The following DOCK10 variants were observed in gnomAD, a reference collection of about 807,000 sequenced individuals.
The protein encoded by DOCK10 is dedicator of cytokinesis 10.
Under a neutral mutation model 280.1 loss-of-function variants are expected in DOCK10, and 145 were observed. That is an observed-to-expected ratio of 0.52 (90% CI 0.45 to 0.59). The LOEUF is 0.59. Ranked by LOEUF, DOCK10 falls within the 20% of genes least tolerant of loss-of-function variation. The pLI, the probability that DOCK10 is intolerant of heterozygous loss-of-function variation, is 0.00. For missense variants in DOCK10, 2,368 were observed against 2,651.7 expected, an observed-to-expected ratio of 0.89 and a Z score of 2.35; for synonymous variants, 915 against 942.2, an observed-to-expected ratio of 0.97 and a Z score of 0.53.
At chr2:225,001,497 C>T (rs1243005204) in intron 1 of DOCK10, among the ~76,000 whole-genome samples, 2 of 151,910 alleles carry the variant, frequency 1.3e-5, no homozygotes, top group East Asian at 1.9e-4. Context: ...ACCATGTTAG[C>T]CAGGATGGTC....
chr2:224,931,864 T>A (rs959805812), intron 1 of DOCK10, among the ~76,000 whole-genome samples, 196 bp from the exon 2 acceptor site: 2 of 152,056 alleles, frequency 1.3e-5, no homozygotes, highest in Admixed American at 1.3e-4. Context: ...TATGAGAAAA[T>A]CCTAAAATAC....
chr2:224,971,996 G>A (rs1705113167), intron 1 of DOCK10, among the ~76,000 whole-genome samples: 1 of 151,896 alleles, frequency 6.6e-6, no homozygotes, highest in African/African-American at 2.4e-5. Context: ...TTCAAATATG[G>A]CCCCTAGAAA....
At chr2:224,836,670 G>A (rs1437864866) in intron 25 of DOCK10, among the ~76,000 whole-genome samples, 2 of 151,506 alleles carry the variant, frequency 1.3e-5, no homozygotes, top group Non-Finnish European at 2.9e-5. Context: ...CACAATCTTG[G>A]CTCACTGCAA....
intron 2 of DOCK10, among the ~76,000 whole-genome samples, chr2:224,921,112 A>AAAAATATATATAT: frequency 1.8e-5 from 1 of 54,416 alleles, no homozygotes; most frequent in Non-Finnish European, 3.0e-5. Context: ...AAAAAAAAAA[A>AAAAATATATATAT]ATATATATAT....
chr2:224,911,106 T>C (rs921588472), intron 3 of DOCK10, among the ~76,000 whole-genome samples: 1 of 152,108 alleles, frequency 6.6e-6, no homozygotes, highest in Non-Finnish European at 1.5e-5. Context: ...ATATTTGGGA[T>C]CTAGGGCGAA....
At chr2:224,883,835 T>C (rs1430195348) in intron 7 of DOCK10, among the ~76,000 whole-genome samples, 1 of 152,208 alleles carries the variant, frequency 6.6e-6, no homozygotes, top group Admixed American at 6.5e-5. Context: ...AGAAAAATAT[T>C]GCATATTAAC....
chr2:224,911,268 A>G (rs1700997881), intron 3 of DOCK10, among the ~76,000 whole-genome samples: 1 of 152,222 alleles, frequency 6.6e-6, no homozygotes, highest in African/African-American at 2.4e-5. Context: ...CAATAATAAA[A>G]TAAAGGCAAA....
At chr2:224,932,680 C>T (rs753020426) in intron 1 of DOCK10, among the ~76,000 whole-genome samples, 6 of 152,070 alleles carry the variant, frequency 3.9e-5, no homozygotes, top group East Asian at 3.9e-4. Context: ...TTCTTTTTCA[C>T]GTAAGTGACA....
chr2:225,010,145 GCTCTTTTCCTTAAAT>G (rs1303280157), intron 1 of DOCK10, among the ~76,000 whole-genome samples: 1 of 152,144 alleles, frequency 6.6e-6, no homozygotes, highest in Non-Finnish European at 1.5e-5. Context: ...GGTAGATTCA[GCTCTTTTCCTTAAAT>G]CTCATCTGCC....
At chr2:224,902,785 A>T (rs1315890856) in intron 3 of DOCK10, among the ~76,000 whole-genome samples, 1 of 151,834 alleles carries the variant, frequency 6.6e-6, no homozygotes, top group African/African-American at 2.4e-5. Flanking sequence ...TATACAAACC[A>T]GTTGAACAGT....
intron 50 of DOCK10, among the ~76,000 whole-genome samples, chr2:224,784,491 C>T (rs1203455250): frequency 6.6e-6 from 1 of 152,184 alleles, no homozygotes; most frequent in East Asian, 1.9e-4. Context: ...ACTACATCTA[C>T]CTTTAGGCAG....
chr2:224,846,667 T>C (rs1696375984), intron 19 of DOCK10, among the ~76,000 whole-genome samples: 1 of 152,158 alleles, frequency 6.6e-6, no homozygotes, highest in Admixed American at 6.5e-5. Flanking sequence ...TAGATAATTT[T>C]TGTATTTTTT....
At position 225,035,571 on chromosome 2, in the gene DOCK10, T is replaced by TG. The variant is rs1363715995; in HGVS notation, c.123+6680_123+6681insC. ...ATATATATATATATATATATATATA[T>TG]ATATATATATATATATAACACTGAA... On this transcript the variant is annotated intron_variant, in intron 1 of 55. Transcript: ENST00000258390. Among the ~76,000 whole-genome samples the TG allele has an allele frequency of 1.1e-4, 5 of 43,852 alleles. 1 individual carries two copies. Among genetic ancestry groups the TG allele is most frequent in the Non-Finnish European group, 1.7e-4 (3 of 17,270 alleles). 28.8% of individuals were successfully genotyped at this position (43,852 alleles called of 152,430 possible). A position where few individuals can be genotyped will look rare whatever the true frequency, so the allele number is the denominator to read the frequency against.
intron 1 of DOCK10, among the ~76,000 whole-genome samples, chr2:225,035,542 T>TTATATATATATATATA (rs57424275): frequency 2.0e-5 from 1 of 50,028 alleles, no homozygotes; most frequent in Non-Finnish European, 3.9e-5. Context: ...ATGATATATA[T>TTATATATATATATATA]TATATATATA....
chr2:224,972,767 G>A (rs1705166546), intron 1 of DOCK10, among the ~76,000 whole-genome samples: 1 of 152,136 alleles, frequency 6.6e-6, no homozygotes, highest in African/African-American at 2.4e-5. Flanking sequence ...GAATGACAAA[G>A]TTGAAATTAA....
At chr2:224,934,155 T>C (rs1343688756) in intron 1 of DOCK10, among the ~76,000 whole-genome samples, 1 of 152,160 alleles carries the variant, frequency 6.6e-6, no homozygotes, top group Non-Finnish European at 1.5e-5. Context: ...GCAGCAACCT[T>C]GGTTCGATAT....
At chr2:224,789,684 G>C (rs1692007860) in intron 47 of DOCK10, among the ~76,000 whole-genome samples, 1 of 152,108 alleles carries the variant, frequency 6.6e-6, no homozygotes. Flanking sequence ...GGGCTGGAGT[G>C]AGCTATCACC....
At chr2:224,877,178 G>A (rs538601499) in intron 7 of DOCK10, among the ~76,000 whole-genome samples, 55 of 152,294 alleles carry the variant, frequency 3.6e-4, no homozygotes, top group Admixed American at 2.3e-3. Context: ...GATCTCAATT[G>A]AAACTTTCCT....
intron 4 of DOCK10, among the ~76,000 whole-genome samples, chr2:224,887,317 A>G (rs1024593280): frequency 2.0e-5 from 3 of 152,156 alleles, no homozygotes; most frequent in Non-Finnish European, 4.4e-5. Flanking sequence ...TGTGGCCACT[A>G]GGCTGTGTTG....
Sources: gnomAD v4.1 joint callset for allele counts (sites outside exome capture counted in the v4.1 genomes callset) on GRCh38, gnomAD v4.1.1 for gene constraint, MANE v1.5 for transcripts, NCBI Gene and HGNC (gene_info 2026-07-23, HGNC 2026-07-21) for gene names.